The following NELL2 variants were observed in gnomAD, a reference collection of about 807,000 sequenced individuals.
The protein encoded by NELL2 is neural EGFL like 2, also known as protein kinase C-binding protein NELL2.
A neutral mutation model predicts 109.6 loss-of-function variants in NELL2; 41 were observed. That is an observed-to-expected ratio of 0.37 (90% confidence interval 0.29 to 0.49). NELL2 has a LOEUF of 0.49. NELL2 is among the 20% of genes least tolerant of loss of function. The pLI is 0.98. For missense variants in NELL2, 900 were observed against 1,008.3 expected, an observed-to-expected ratio of 0.89 and a Z score of 1.45; for synonymous variants, 355 against 344.7, an observed-to-expected ratio of 1.03 and a Z score of -0.33.
chr12:44,640,797 T>C (rs73284095), intron 13 of NELL2, among the ~76,000 whole-genome samples: 4,070 of 152,268 alleles, frequency 0.027, 167 homozygotes, highest in African/African-American at 0.09. Context: ...TTCAGTAATG[T>C]TTTGGTTTTC....
chr12:44,804,915 G>A (rs1412694919), intron 3 of NELL2, among the ~76,000 whole-genome samples: 3 of 151,858 alleles, frequency 2.0e-5, no homozygotes, highest in Admixed American at 6.6e-5. Flanking sequence ...TTTAAATCCT[G>A]TGGAAGATGC....
chr12:44,614,842 G>A (rs1432197486), intron 13 of NELL2, among the ~76,000 whole-genome samples: 2 of 151,888 alleles, frequency 1.3e-5, no homozygotes, highest in Admixed American at 1.3e-4. Context: ...CAAAATAGAT[G>A]TACAATAGAA....
chr12:44,521,842 C>T (rs370343377), intron 18 of NELL2, 158 bp downstream of exon 18: 13 of 647,338 alleles, frequency 2.0e-5, no homozygotes, highest in East Asian at 1.4e-4. Flanking sequence ...GGGTTGTGAT[C>T]GTGTAACTAT....
chr12:44,600,166 TTA>T (rs1945160495), intron 15 of NELL2, among the ~76,000 whole-genome samples: 2 of 148,238 alleles, frequency 1.3e-5, no homozygotes, highest in South Asian at 4.2e-4. Flanking sequence ...ATTTATTTAT[TTA>T]TTTATTTATT....
intron 15 of NELL2, among the ~76,000 whole-genome samples, chr12:44,564,520 T>C (rs1207060568): frequency 1.3e-5 from 2 of 152,222 alleles, no homozygotes; most frequent in Non-Finnish European, 2.9e-5. Context: ...ATTTGCAGCA[T>C]GCTAGGCACT....
chr12:44,723,062 G>A (rs1369245200), intron 9 of NELL2, among the ~76,000 whole-genome samples: 5 of 152,036 alleles, frequency 3.3e-5, no homozygotes, highest in African/African-American at 4.8e-5. Flanking sequence ...GGTGGTGGGC[G>A]CCTGTAGTCC....
At position 44,876,090 on chromosome 12, in the gene NELL2, C is replaced by G. The variant is rs537609287; in HGVS notation, c.-221G>C. 8 of 1,364,320 alleles carry G rather than the reference C, an allele frequency of 5.9e-6. No homozygotes were observed. In the South Asian group the frequency reaches 1.3e-4, roughly 22 times the overall value. The allele number at this position is 1,364,320 out of a possible 1,614,324, so 84.5% of individuals were successfully genotyped here. ...CCCTCCAATGCGCACATCATTCCCA[C>G]ACGCAGGGCCGAGGCGGCAGCGCGG... On this transcript the variant is annotated 5_prime_UTR_variant, in exon 1 of 20. Transcript: ENST00000429094.
chr12:44,752,117 T>C (rs529845306), intron 9 of NELL2, among the ~76,000 whole-genome samples: 8 of 152,356 alleles, frequency 5.3e-5, no homozygotes, highest in African/African-American at 1.7e-4. Flanking sequence ...GCAAAAATGT[T>C]ATGCTGCCAT....
intron 9 of NELL2, among the ~76,000 whole-genome samples, chr12:44,771,684 G>A (rs1036698639): frequency 6.6e-6 from 1 of 152,138 alleles, no homozygotes; most frequent in East Asian, 1.9e-4. Context: ...CCAATGCTTT[G>A]TTTATGTAGA....
intron 9 of NELL2, among the ~76,000 whole-genome samples, chr12:44,745,658 C>G (rs1940298657): frequency 6.6e-6 from 1 of 151,562 alleles, no homozygotes; most frequent in Admixed American, 6.5e-5. Flanking sequence ...ACACCAATAA[C>G]AGACAGAGAG....
intron 15 of NELL2, among the ~76,000 whole-genome samples, chr12:44,533,607 A>C (rs1421156612): frequency 2.0e-5 from 3 of 152,228 alleles, no homozygotes; most frequent in African/African-American, 7.2e-5. Flanking sequence ...TAAGTCTCAG[A>C]TATTTCCTCC....
At chr12:44,912,638 T>C (rs1275251227) in intron 1 of NELL2, among the ~76,000 whole-genome samples, 1 of 152,192 alleles carries the variant, frequency 6.6e-6, no homozygotes, top group Non-Finnish European at 1.5e-5. Flanking sequence ...CATTTATTTA[T>C]TCTTCCACCT....
intron 9 of NELL2, among the ~76,000 whole-genome samples, chr12:44,768,107 A>G (rs1941406071): frequency 6.6e-6 from 1 of 152,164 alleles, no homozygotes; most frequent in South Asian, 2.1e-4. Context: ...CAGCTCTGCT[A>G]TGAGCTGACT....
Position 44,577,844 on chromosome 12 carries a change from T to C in NELL2, c.1663+29325A>G, listed in dbSNP as rs1944167762. Among the ~76,000 whole-genome samples the C allele has an allele frequency of 3.3e-5, 5 of 152,160 alleles. No homozygotes were observed. In the South Asian group the frequency reaches 1.0e-3, roughly 32 times the overall value. On this transcript the variant is annotated intron_variant, in intron 15 of 19. Coordinates refer to ENST00000429094, the MANE Select transcript of NELL2 (RefSeq NM_001145108.2). ...GACCTTGATCGTTGCATTTATATAA[T>C]AGTAATTGCCCTGACTCTTAACATG...
At chr12:44,742,105 G>A (rs1940009854) in intron 9 of NELL2, among the ~76,000 whole-genome samples, 1 of 152,152 alleles carries the variant, frequency 6.6e-6, no homozygotes, top group Non-Finnish European at 1.5e-5. Flanking sequence ...ACTCCTCCGA[G>A]ACAAAACTTC....
At chr12:44,832,945 T>C (rs181549495) in intron 2 of NELL2, among the ~76,000 whole-genome samples, 1 of 152,268 alleles carries the variant, frequency 6.6e-6, no homozygotes, top group East Asian at 1.9e-4. Context: ...GGTAATAGTG[T>C]GGTTTGAGTA....
intron 2 of NELL2, among the ~76,000 whole-genome samples, chr12:44,823,257 T>C (rs961146531): frequency 2.0e-5 from 3 of 152,198 alleles, no homozygotes; most frequent in Non-Finnish European, 2.9e-5. Context: ...ATTTTTTTAA[T>C]GTATGGTGAG....
intron 12 of NELL2, among the ~76,000 whole-genome samples, chr12:44,678,493 G>A (rs1407722535): frequency 6.6e-6 from 1 of 152,036 alleles, no homozygotes; most frequent in Non-Finnish European, 1.5e-5. Flanking sequence ...ACATTTATGT[G>A]AGTTGTGGTG....
rs561890923 is a variant in NELL2 at position 44,805,773 on chromosome 12, A to G, written c.335+10213T>C. Among the ~76,000 whole-genome samples the G allele has an allele frequency of 3.9e-5, 6 of 152,042 alleles. No homozygotes were observed. The East Asian group carries it at 1.2e-3, about 29-fold the overall frequency. ...ATTTGCATTTATGCCTATATGTAGT[A>G]TTAATTGCAATACCAAATATTGTGC... is the stretch of plus-strand genomic sequence containing the variant. On this transcript the variant is annotated intron_variant, in intron 3 of 19. Transcript: ENST00000429094.
Sources: gnomAD v4.1 joint callset for allele counts (sites outside exome capture counted in the v4.1 genomes callset) on GRCh38, gnomAD v4.1.1 for gene constraint, MANE v1.5 for transcripts, NCBI Gene and HGNC (gene_info 2026-07-23, HGNC 2026-07-21) for gene names.